The following CMTM6 variants were observed in gnomAD, a reference collection of about 807,000 sequenced individuals.
CMTM6 encodes the protein CKLF like MARVEL transmembrane domain containing 6, also known as CKLF-like MARVEL transmembrane domain-containing protein 6.
CMTM6 carries 5 observed loss-of-function variants against 13.6 expected under a neutral mutation model. The observed-to-expected ratio is 0.37, with a 90% CI of 0.19 to 0.77. The LOEUF (loss-of-function observed/expected upper bound fraction) is 0.77, where lower values mean the gene tolerates loss of function less well. Ranked by LOEUF, CMTM6 falls within the 30% of genes least tolerant of loss-of-function variation. The pLI is 0.50. For missense variants in CMTM6, 196 were observed against 218.6 expected, an observed-to-expected ratio of 0.90 and a Z score of 0.65; for synonymous variants, 99 against 84.5, an observed-to-expected ratio of 1.17 and a Z score of -0.94.
chr3:32,490,967 C>T (rs772887414), intron 2 of CMTM6, among the ~76,000 whole-genome samples: 116 of 152,030 alleles, frequency 7.6e-4, no homozygotes, highest in Non-Finnish European at 8.2e-4. Context: ...GAAAAATGTC[C>T]AAAGACTACA....
At position 32,487,990 on chromosome 3, in the gene CMTM6, G is replaced by A. The variant is rs1697219897; in HGVS notation, c.362C>T (p.Ser121Phe). The A allele has an allele frequency of 5.0e-6, 8 of 1,613,764 alleles. No individual in the cohort carries two copies. The highest frequency in any genetic ancestry group is 6.8e-6 in the Non-Finnish European group (8 of 1,179,812). Residue 121 changes from serine to phenylalanine, a missense_variant, in exon 3 of 4, where the codon TCC becomes TTC. Physicochemically the swap from Ser to Phe is radical, Grantham distance 155. Transcript: ENST00000205636. ...LGTGCVFLLASIIFVSTHDRT... is the reference protein window; with the variant it reads ...LGTGCVFLLAFIIFVSTHDRT... ...GTCATGTGTGGAAACAAAAATGATG[G>A]ATGCCAACAAAAACACACATCCTGT...
chr3:32,502,792 C>G lies in CMTM6; in HGVS notation c.-47G>C, dbSNP rs1221883430. 3.4e-5 allele frequency: 47 copies of G among 1,391,584 alleles called. 1 individual carries two copies. The highest frequency in any genetic ancestry group is 4.3e-5 in the Non-Finnish European group (46 of 1,073,234). The allele number at this position is 1,391,584 out of a possible 1,614,324, so 86.2% of individuals were successfully genotyped here. A position where few individuals can be genotyped will look rare whatever the true frequency, so the allele number is the denominator to read the frequency against. On this transcript the variant is annotated 5_prime_UTR_variant, in exon 1 of 4. Coordinates refer to ENST00000205636, the MANE Select transcript of CMTM6 (RefSeq NM_017801.3). ...GCGGCCGCAGCAACCGCGCCGTTGACTTCTCGGACTCCAGAAGTCCCCGGT... is the reference window on the plus strand; with the variant it reads ...GCGGCCGCAGCAACCGCGCCGTTGAGTTCTCGGACTCCAGAAGTCCCCGGT...
In CMTM6 at chr3:32,491,805, C is replaced by A. The variant is rs760262817; in HGVS notation, c.220G>T (p.Val74Leu). 1.9e-6 allele frequency: 3 copies of A among 1,613,812 alleles called. No individual in the cohort carries two copies. Among genetic ancestry groups the A allele is most frequent in the Non-Finnish European group, 2.5e-6 (3 of 1,179,850 alleles). Residue 74 changes from valine to leucine, a missense_variant, in exon 2 of 4, where the codon GTA (valine) becomes TTA (leucine). Transcript: ENST00000205636. ...LCGGLYFFEF[V>L]SCSAFLLSLL... is the part of the protein sequence containing the mutation. ...CTCAGAAGAAAGGCACTGCAGCTTA[C>A]AAACTCAAAAAAATAAAGTCCTCCA...
chr3:32,490,160 C>T (rs957250891), intron 2 of CMTM6, among the ~76,000 whole-genome samples: 2 of 151,574 alleles, frequency 1.3e-5, no homozygotes, highest in Non-Finnish European at 2.9e-5. Context: ...GCAGGAGAAT[C>T]GTTTGAACCC....
At chr3:32,492,367 G>GT (rs1697256974) in intron 1 of CMTM6, among the ~76,000 whole-genome samples, 1 of 152,208 alleles carries the variant, frequency 6.6e-6, no homozygotes, top group Non-Finnish European at 1.5e-5. Flanking sequence ...GTCAAAGTGA[G>GT]TCAAATCAAC....
intron 3 of CMTM6, chr3:32,487,604 C>CA: frequency 5.8e-6 from 1 of 172,220 alleles, no homozygotes; most frequent in East Asian, 1.5e-4. Flanking sequence ...TTCTCCATAC[C>CA]TAGAAAACAC....
intron 1 of CMTM6, among the ~76,000 whole-genome samples, chr3:32,495,430 T>C (rs1317191270): frequency 6.6e-6 from 1 of 152,236 alleles, no homozygotes; most frequent in Non-Finnish European, 1.5e-5. Flanking sequence ...ATGACTATAG[T>C]CTAATAAAAT....
At chr3:32,501,033 CAAA>C (rs36111581) in intron 1 of CMTM6, among the ~76,000 whole-genome samples, 116 of 124,962 alleles carry the variant, frequency 9.3e-4, no homozygotes, top group Middle Eastern at 8.5e-3. Flanking sequence ...CCGTCTCTAC[CAAA>C]AAAAAAAAAA....
rs574333493 is a variant in CMTM6, at chr3:32,489,122, T to C, written c.316-1086A>G. Among the ~76,000 whole-genome samples the C allele has an allele frequency of 3.3e-5, 5 of 150,946 alleles. No homozygotes were observed. The East Asian group carries it at 7.9e-4, about 24-fold the overall frequency. On this transcript the variant is annotated intron_variant, in intron 2 of 3. Coordinates refer to ENST00000205636, the MANE Select transcript of CMTM6 (RefSeq NM_017801.3). The stretch of plus-strand genomic sequence containing the variant: ...TCTCTACTAAAAATACAAAAAAAAT[T>C]AGCTGGGCGTGGTGGTGGGTGCCTG...
Position 32,482,678 on chromosome 3 carries a change from C to T in CMTM6, c.*1282G>A, listed in dbSNP as rs566054202. 3 of 150,458 alleles carry T rather than the reference C, an allele frequency of 2.0e-5. No homozygotes were observed. The highest frequency in any genetic ancestry group is 7.4e-5 in the African/African-American group (3 of 40,786). 9.3% of individuals were successfully genotyped at this position (150,458 alleles called of 1,614,324 possible). ...GAATGGCTTGATTCTCTTATGCCAC[C>T]AACAGTATTAGTCTGGGCAGGGTTC... On this transcript the variant is annotated 3_prime_UTR_variant, in exon 4 of 4. Coordinates refer to ENST00000205636, the MANE Select transcript of CMTM6 (RefSeq NM_017801.3).
intron 2 of CMTM6, among the ~76,000 whole-genome samples, chr3:32,489,949 C>T (rs547805712): frequency 2.0e-5 from 3 of 152,204 alleles, no homozygotes; most frequent in African/African-American, 7.2e-5. Context: ...TAATAGACTC[C>T]GACTGCAATA....
chr3:32,496,786 ACATATT>A (rs1167393708), intron 1 of CMTM6, among the ~76,000 whole-genome samples: 1 of 152,224 alleles, frequency 6.6e-6, no homozygotes, highest in East Asian at 1.9e-4. Context: ...ATGAAAAAGA[ACATATT>A]CATAAGGGCA....
chr3:32,493,023 T>A (rs919646592), intron 1 of CMTM6, among the ~76,000 whole-genome samples: 4 of 152,252 alleles, frequency 2.6e-5, no homozygotes, highest in African/African-American at 9.6e-5. Context: ...TCTTCCTTAA[T>A]TCCATGGCAG....
At chr3:32,493,984 G>A (rs1314811062) in intron 1 of CMTM6, among the ~76,000 whole-genome samples, 1 of 152,168 alleles carries the variant, frequency 6.6e-6, no homozygotes, top group Non-Finnish European at 1.5e-5. Flanking sequence ...GTGTGGCTGG[G>A]AAAGAATGGC....
chr3:32,485,380 G>T (rs1697194008), intron 3 of CMTM6, among the ~76,000 whole-genome samples: 1 of 151,658 alleles, frequency 6.6e-6, no homozygotes, highest in African/African-American at 2.4e-5. Context: ...ATAAATACTG[G>T]GACAGTCTAA....
In CMTM6 at chr3:32,483,992, C is replaced by G; in HGVS notation, c.520G>C (p.Ala174Pro). ...TTAAGTGGCTCAGTGAGGGCTTCAG[C>G]CCTAGTGGTATTTTCAGGTTTTCTC... ...QLRKPENTTR[A>P]EALTEPLNA The change falls in exon 4 of 4, where the codon GCT becomes CCT. Residue 174 changes from alanine to proline, a missense_variant. By Grantham distance (27) the Ala-to-Pro change is conservative (BLOSUM62 -1). This residue lies in a region of CMTM6 where 111 missense variants were observed against 160.0 expected (regional missense o/e 0.69). Coordinates refer to ENST00000205636, the MANE Select transcript of CMTM6 (RefSeq NM_017801.3). The G allele has an allele frequency of 1.2e-6, 2 of 1,611,618 alleles. No individual in the cohort carries two copies. Among genetic ancestry groups the G allele is most frequent in the Non-Finnish European group, 8.5e-7 (1 of 1,179,322 alleles).
rs116765865 is a variant in CMTM6 at position 32,485,104 on chromosome 3, C to T, written c.415-1007G>A. On this transcript the variant is annotated intron_variant, in intron 3 of 3. Transcript: ENST00000205636. ...TATTTTTGACTTGATGGCATTTATCCCCTTATTTTCCTGGCAACTTTCTTA... is the reference window on the plus strand; with the variant it reads ...TATTTTTGACTTGATGGCATTTATCTCCTTATTTTCCTGGCAACTTTCTTA... Among the ~76,000 whole-genome samples, 1,007 of 151,002 alleles carry T rather than the reference C, an allele frequency of 6.7e-3. 16 individuals carry two copies. The highest frequency in any genetic ancestry group is 0.023 in the African/African-American group (959 of 41,248).
At position 32,483,844 on chromosome 3, in the gene CMTM6, T is replaced by G; in HGVS notation, c.*116A>C. On this transcript the variant is annotated 3_prime_UTR_variant, in exon 4 of 4. Transcript: ENST00000205636. ...TAAAACTGCCTTCTTGACCTTCCCC[T>G]TGCTCTCCAAAAGAAGTGGTTTAAA... 1 of 1,078,892 alleles carries G rather than the reference T, an allele frequency of 9.3e-7. No homozygotes were observed. Among genetic ancestry groups the G allele is most frequent in the Non-Finnish European group, 1.2e-6 (1 of 802,496 alleles). 66.8% of individuals were successfully genotyped at this position (1,078,892 alleles called of 1,614,324 possible). A position where few individuals can be genotyped will look rare whatever the true frequency, so the allele number is the denominator to read the frequency against.
chr3:32,502,426 CCGCCCGGCGGAAGGGCGGAGGGTAA>C (rs1697353267), intron 1 of CMTM6, among the ~76,000 whole-genome samples, 157 bp downstream of exon 1: 2 of 152,324 alleles, frequency 1.3e-5, no homozygotes, highest in South Asian at 4.1e-4. Flanking sequence ...GACTGAGGGG[CCGCCCGGCGGAAGGGCGGAGGGTAA>C]CGCCCCCTTC....
Sources: allele counts gnomAD v4.1 joint callset (sites outside exome capture counted in the v4.1 genomes callset), GRCh38; gene constraint gnomAD v4.1.1; regional missense constraint gnomAD v4.1.1; transcripts MANE v1.5; gene names NCBI Gene and HGNC (gene_info 2026-07-23, HGNC 2026-07-21).